ENPP3: variants seen among roughly 807,000 people sequenced by gnomAD.
ENPP3 encodes the protein ectonucleotide pyrophosphatase/phosphodiesterase family member 3.
A neutral mutation model predicts 117.8 loss-of-function variants in ENPP3; 104 were observed. The observed-to-expected ratio is 0.88, with a 90% CI of 0.75 to 1.04. ENPP3 has a LOEUF of 1.04. Among genes scored for constraint, ENPP3 ranks in the 50% least tolerant of loss-of-function variants. The pLI is 0.00. For missense variants in ENPP3, 1,026 were observed against 1,051.9 expected (o/e 0.98, Z 0.34); for synonymous variants, 380 against 349.9 (o/e 1.09, Z -0.96).
At position 131,743,824 on chromosome 6, in the gene ENPP3, C is replaced by CAAAATAAAATAAAATAAAAT. The variant is rs3884395; in HGVS notation, c.2458-2948_2458-2929dup. Reference sequence around the variant, plus strand: ...TGGGCAACAGAACAAGACTCTGTCTCAAAATAAAATAAAATAAAATAAAAT... The same window carrying CAAAATAAAATAAAATAAAAT: ...TGGGCAACAGAACAAGACTCTGTCTCAAAATAAAATAAAATAAAATAAAATAAAATAAAATAAAATAAAAT... On this transcript the variant is annotated intron_variant, in intron 24 of 24. Transcript: ENST00000357639. Among the ~76,000 whole-genome samples the CAAAATAAAATAAAATAAAAT allele has an allele frequency of 6.5e-3, 965 of 148,322 alleles. 13 individuals are homozygous for CAAAATAAAATAAAATAAAAT. The highest frequency in any genetic ancestry group is 0.022 in the African/African-American group (888 of 39,802).
chr6:131,701,416 G>A, intron 15 of ENPP3: 1 of 1,606,874 alleles, frequency 6.2e-7, no homozygotes, highest in Non-Finnish European at 8.5e-7. Flanking sequence ...CTATGACAGA[G>A]GAAATCAAGT....
At chr6:131,699,486 T>C (rs1585685604) in intron 15 of ENPP3, among the ~76,000 whole-genome samples, 2 of 150,162 alleles carry the variant, frequency 1.3e-5, no homozygotes, top group Non-Finnish European at 3.0e-5. Context: ...AGGTGGTGGA[T>C]TTTGAAATCT....
At chr6:131,656,498 T>C (rs1778387623) in intron 5 of ENPP3, among the ~76,000 whole-genome samples, 1 of 152,168 alleles carries the variant, frequency 6.6e-6, no homozygotes, top group Non-Finnish European at 1.5e-5. Flanking sequence ...CCGGGCATGG[T>C]GGCTCACGCC....
In ENPP3 at chr6:131,641,485, C is replaced by T. The variant is rs542390787; in HGVS notation, c.109C>T (p.Leu37Phe). 9.3e-6 allele frequency: 15 copies of T among 1,612,472 alleles called. No individual in the cohort carries two copies. Among genetic ancestry groups the T allele is most frequent in the Non-Finnish European group, 1.2e-5 (14 of 1,178,776 alleles). ...TCTTGCTTTGCTGGTGATCATGTCACTTGGATTAGGCCTGGGGCTTGGACT... is the reference window on the plus strand; with the variant it reads ...TCTTGCTTTGCTGGTGATCATGTCATTTGGATTAGGCCTGGGGCTTGGACT... ...VLLALLVIMSLGLGLGLGLRK... is the reference protein window; with the variant it reads ...VLLALLVIMSFGLGLGLGLRK... Residue 37 changes from leucine (L) to phenylalanine (F), a missense_variant, in exon 2 of 25, where the codon CTT becomes TTT. Physicochemically the swap from Leu to Phe is conservative, Grantham distance 22. Transcript: ENST00000357639.
chr6:131,663,241 C>T (rs1457042764), intron 6 of ENPP3, among the ~76,000 whole-genome samples: 2 of 151,340 alleles, frequency 1.3e-5, no homozygotes, highest in African/African-American at 4.8e-5. Flanking sequence ...AAATTTTCAC[C>T]ATTGAATAGG....
chr6:131,650,017 TA>T lies in ENPP3; in HGVS notation c.155-9del. ...CTAAATGTTCGGGCCCTATTTCCTTTACTTTGTAGGCAGCTGCAGGAAGAAG... is the reference window on the plus strand; with the variant it reads ...CTAAATGTTCGGGCCCTATTTCCTTTCTTTGTAGGCAGCTGCAGGAAGAAG... On this transcript the variant is annotated splice_polypyrimidine_tract_variant and intron_variant, in intron 2 of 24. Coordinates refer to ENST00000357639, the MANE Select transcript of ENPP3 (RefSeq NM_005021.5). 6.2e-7 allele frequency: 1 copy of T among 1,613,750 alleles called. No individual in the cohort carries two copies. Among genetic ancestry groups the T allele is most frequent in the African/African-American group, 1.3e-5 (1 of 75,008 alleles).
intron 2 of ENPP3, among the ~76,000 whole-genome samples, chr6:131,648,568 A>C (rs1216234207): frequency 6.6e-6 from 1 of 152,156 alleles, no homozygotes; most frequent in Non-Finnish European, 1.5e-5. Flanking sequence ...TTCCCAGCAC[A>C]GTGCCTGAAA....
chr6:131,739,380 C>A (rs1780473866), intron 23 of ENPP3, among the ~76,000 whole-genome samples: 1 of 152,020 alleles, frequency 6.6e-6, no homozygotes, highest in Non-Finnish European at 1.5e-5. Flanking sequence ...GTTGATAGCA[C>A]AGAATCACTT....
intron 3 of ENPP3, among the ~76,000 whole-genome samples, chr6:131,652,260 C>T (rs762237770): frequency 4.9e-4 from 75 of 152,320 alleles, no homozygotes; most frequent in Admixed American, 1.1e-3. Context: ...AGCTCCTGCT[C>T]TTGGGTCGGA....
chr6:131,685,738 G>A (rs1435352534), intron 13 of ENPP3, 138 bp from the exon 14 acceptor site: 1 of 657,562 alleles, frequency 1.5e-6, no homozygotes, highest in Admixed American at 2.7e-5. Context: ...TTCTTTGCTT[G>A]AAATAATTTT....
chr6:131,718,640 G>A (rs1436269302), intron 15 of ENPP3, 32 bp from the exon 16 acceptor site: 1 of 1,129,762 alleles, frequency 8.9e-7, no homozygotes, highest in South Asian at 1.4e-5. Context: ...TCAATATATT[G>A]ATCAGTGTGT....
intron 3 of ENPP3, among the ~76,000 whole-genome samples, chr6:131,650,670 G>A (rs771149751): frequency 1.3e-5 from 2 of 152,152 alleles, no homozygotes; most frequent in Non-Finnish European, 2.9e-5. Context: ...TGTTGACAGG[G>A]TTGGGTCCTC....
At chr6:131,648,953 C>A (rs934352289) in intron 2 of ENPP3, among the ~76,000 whole-genome samples, 3 of 152,160 alleles carry the variant, frequency 2.0e-5, no homozygotes, top group African/African-American at 7.2e-5. Context: ...ATTCAGACCC[C>A]CTCCTAAATA....
chr6:131,679,025 C>CTTT lies in ENPP3; in HGVS notation c.1011+1085_1011+1086insTTT, dbSNP rs1343100791. ...TGCTTCCTTCCTTCCTTCCTTCCTT[C>CTTT]CTTCTTTCTTTCTTTCTTTCTTTCT... On this transcript the variant is annotated intron_variant, in intron 11 of 24. Coordinates refer to ENST00000357639, the MANE Select transcript of ENPP3 (RefSeq NM_005021.5). 9.8e-4 allele frequency among the ~76,000 whole-genome samples: 106 copies of CTTT among 108,550 alleles called. 1 individual carries two copies. Among genetic ancestry groups the CTTT allele is most frequent in the Non-Finnish European group, 1.6e-3 (85 of 54,422 alleles). 71.2% of individuals were successfully genotyped at this position (108,550 alleles called of 152,430 possible). A position where few individuals can be genotyped will look rare whatever the true frequency, so the allele number is the denominator to read the frequency against.
At chr6:131,739,335 G>T (rs890126422) in intron 23 of ENPP3, among the ~76,000 whole-genome samples, 1 of 152,184 alleles carries the variant, frequency 6.6e-6, no homozygotes, top group East Asian at 1.9e-4. Context: ...TGTCACATCA[G>T]TTGTATGGAT....
chr6:131,675,265 A>G, intron 9 of ENPP3, 76 bp downstream of exon 9: 2 of 991,226 alleles, frequency 2.0e-6, no homozygotes, highest in East Asian at 2.4e-5. Flanking sequence ...TCTTGGTGGC[A>G]ATTCTATTAA....
rs373460139 is a variant in ENPP3 at position 131,671,378 on chromosome 6, A to G, written c.642+51A>G. 16 of 1,048,242 alleles carry G rather than the reference A, an allele frequency of 1.5e-5. No homozygotes were observed. In the South Asian group the frequency reaches 1.7e-4, roughly 11 times the overall value. The allele number at this position is 1,048,242 out of a possible 1,614,324, so 64.9% of individuals were successfully genotyped here. ...CAGGCCAAAGACCAGAACTGACCAC[A>G]TAAACAGACATGTTTGGGCAGGAAC... is the stretch of plus-strand genomic sequence containing the variant. On this transcript the variant is annotated intron_variant, in intron 7 of 24. Transcript: ENST00000357639.
At chr6:131,644,201 A>G (rs1778111258) in intron 2 of ENPP3, among the ~76,000 whole-genome samples, 1 of 152,178 alleles carries the variant, frequency 6.6e-6, no homozygotes, top group African/African-American at 2.4e-5. Context: ...CGATCAAGTA[A>G]AGGTTAGTAT....
At chr6:131,723,067 G>T (rs1284034884) in intron 18 of ENPP3, among the ~76,000 whole-genome samples, 1 of 152,174 alleles carries the variant, frequency 6.6e-6, no homozygotes, top group Non-Finnish European at 1.5e-5. Context: ...CCTGGATGGG[G>T]TTGGGATTTC....
Sources: allele counts gnomAD v4.1 joint callset (sites outside exome capture counted in the v4.1 genomes callset), GRCh38; gene constraint gnomAD v4.1.1; transcripts MANE v1.5; gene names NCBI Gene and HGNC (gene_info 2026-07-23, HGNC 2026-07-21).